Variants in ADARB2 observed in about 807,000 individuals in gnomAD.
The protein encoded by ADARB2 is adenosine deaminase RNA specific B2 (inactive), also known as inactive double-stranded RNA-specific editase B2.
ADARB2 carries 25 observed loss-of-function variants against 62.2 expected under a neutral mutation model. That is an observed-to-expected ratio of 0.40 (90% CI 0.29 to 0.56). ADARB2 has a LOEUF of 0.56. ADARB2 is among the 20% of genes least tolerant of loss of function. The pLI is 0.43. For missense variants in ADARB2, 1,071 were observed against 1,077.4 expected (o/e 0.99, Z 0.08); for synonymous variants, 572 against 500.8 (o/e 1.14, Z -1.90).
At chr10:1,344,554 C>G (rs375038015) in intron 3 of ADARB2, among the ~76,000 whole-genome samples, 4 of 152,190 alleles carry the variant, frequency 2.6e-5, no homozygotes, top group African/African-American at 9.6e-5. Context: ...GGGCAGGTGA[C>G]CTGACCCGCC....
intron 7 of ADARB2, among the ~76,000 whole-genome samples, chr10:1,202,568 T>G (rs975298880): frequency 2.6e-5 from 4 of 152,150 alleles, no homozygotes; most frequent in Non-Finnish European, 5.9e-5. Flanking sequence ...GGGAGGAAAT[T>G]CAGCAGTGTG....
At chr10:1,330,874 T>A (rs1250362052) in intron 3 of ADARB2, among the ~76,000 whole-genome samples, 1 of 152,150 alleles carries the variant, frequency 6.6e-6, no homozygotes, top group Non-Finnish European at 1.5e-5. Flanking sequence ...GATAAGACAT[T>A]CTCCTATGTC....
intron 4 of ADARB2, among the ~76,000 whole-genome samples, chr10:1,266,511 T>TGGGGGGGGGGGGGG (rs782182369): frequency 3.9e-5 from 5 of 128,440 alleles, no homozygotes; most frequent in Admixed American, 8.1e-5. Flanking sequence ...TGGTGGGGGG[T>TGGGGGGGGGGGGGG]GGGGGGGGGG....
intron 3 of ADARB2, among the ~76,000 whole-genome samples, chr10:1,314,677 A>T (rs1158246551): frequency 1.3e-5 from 2 of 152,154 alleles, no homozygotes; most frequent in Non-Finnish European, 2.9e-5. Context: ...GGTGCCCAAG[A>T]TGTGATGATA....
intron 4 of ADARB2, among the ~76,000 whole-genome samples, chr10:1,253,067 T>A (rs577076346): frequency 4.6e-5 from 7 of 152,244 alleles, no homozygotes; most frequent in Non-Finnish European, 1.0e-4. Context: ...CTGTTTCTGC[T>A]GCTTACTTGA....
intron 3 of ADARB2, among the ~76,000 whole-genome samples, chr10:1,314,329 G>A (rs1831718103): frequency 6.6e-6 from 1 of 152,116 alleles, no homozygotes; most frequent in Non-Finnish European, 1.5e-5. Flanking sequence ...GACTCTACTT[G>A]CCCCGTCCTC....
chr10:1,435,421 GCCTGTGTT>G (rs1181815176), intron 1 of ADARB2, among the ~76,000 whole-genome samples: 1 of 152,182 alleles, frequency 6.6e-6, no homozygotes, highest in East Asian at 1.9e-4. Flanking sequence ...AACTCAGGGG[GCCTGTGTT>G]CCTTCCGCTT....
At chr10:1,687,174 T>C (rs1834608351) in intron 1 of ADARB2, among the ~76,000 whole-genome samples, 3 of 152,076 alleles carry the variant, frequency 2.0e-5, no homozygotes, top group Non-Finnish European at 2.9e-5. Flanking sequence ...TTCAGGTATG[T>C]GCCAACACAC....
At chr10:1,366,609 T>C (rs975991010) in intron 2 of ADARB2, among the ~76,000 whole-genome samples, 2 of 152,206 alleles carry the variant, frequency 1.3e-5, no homozygotes, top group African/African-American at 4.8e-5. Flanking sequence ...AGTTTATTAG[T>C]TGGTCGCAGT....
intron 1 of ADARB2, among the ~76,000 whole-genome samples, chr10:1,699,232 G>A (rs183840160): frequency 0.011 from 1,531 of 138,798 alleles, 119 homozygotes; most frequent in Non-Finnish European, 0.016. Flanking sequence ...GAGACCAGGC[G>A]CTCGCCAATA....
intron 1 of ADARB2, among the ~76,000 whole-genome samples, chr10:1,498,151 T>C (rs1422798200): frequency 1.3e-5 from 2 of 152,080 alleles, no homozygotes; most frequent in African/African-American, 4.8e-5. Context: ...GGCAGGTGGA[T>C]CACCTGGGGT....
intron 1 of ADARB2, among the ~76,000 whole-genome samples, chr10:1,648,954 T>C (rs1419852975): frequency 6.6e-6 from 1 of 152,186 alleles, no homozygotes; most frequent in Non-Finnish European, 1.5e-5. Flanking sequence ...GAGCAGGACC[T>C]ACTCAGCACC....
intron 1 of ADARB2, among the ~76,000 whole-genome samples, chr10:1,409,334 C>T (rs955162855): frequency 3.9e-5 from 6 of 152,370 alleles, no homozygotes; most frequent in African/African-American, 1.4e-4. Context: ...TGCAGCCAAA[C>T]AGAGAATTTT....
At chr10:1,642,686 T>C (rs112153954) in intron 1 of ADARB2, among the ~76,000 whole-genome samples, 1 of 151,998 alleles carries the variant, frequency 6.6e-6, no homozygotes, top group African/African-American at 2.4e-5. Context: ...CATCTCACCA[T>C]AGACACTCAC....
chr10:1,528,381 A>C (rs954325032), intron 1 of ADARB2, among the ~76,000 whole-genome samples: 1 of 152,194 alleles, frequency 6.6e-6, no homozygotes, highest in Non-Finnish European at 1.5e-5. Context: ...TATGTAACTG[A>C]TCTGACAGTG....
At chr10:1,244,742 A>G (rs1830967115) in intron 4 of ADARB2, among the ~76,000 whole-genome samples, 1 of 152,162 alleles carries the variant, frequency 6.6e-6, no homozygotes, top group African/African-American at 2.4e-5. Flanking sequence ...CCAGCATGAC[A>G]GTGAGGGAGG....
chr10:1,506,168 G>C lies in ADARB2; in HGVS notation c.101-127008C>G, dbSNP rs535179621. Among the ~76,000 whole-genome samples the C allele has an allele frequency of 3.9e-5, 6 of 152,178 alleles. No individual in the cohort carries two copies. The South Asian group carries it at 1.2e-3, about 32-fold the overall frequency. ...TGACGGTCCTTTGGAATGGTTTTCA[G>C]GTAGAAATGAATAATATTATGGTAT... On this transcript the variant is annotated intron_variant, in intron 1 of 9. Transcript: ENST00000381312.
chr10:1,445,272 A>T (rs1227541598), intron 1 of ADARB2, among the ~76,000 whole-genome samples: 4 of 151,596 alleles, frequency 2.6e-5, no homozygotes, highest in African/African-American at 9.7e-5. Flanking sequence ...CCATCCATCC[A>T]TCCACCCACC....
chr10:1,599,178 C>A (rs1305169845), intron 1 of ADARB2, among the ~76,000 whole-genome samples: 3 of 152,212 alleles, frequency 2.0e-5, no homozygotes, highest in African/African-American at 7.2e-5. Context: ...ACGGGCCATC[C>A]TCCCTGCAGC....
Sources: allele counts gnomAD v4.1 joint callset (sites outside exome capture counted in the v4.1 genomes callset), GRCh38; gene constraint gnomAD v4.1.1; transcripts MANE v1.5; gene names NCBI Gene and HGNC (gene_info 2026-07-23, HGNC 2026-07-21).